TNS2: variants seen among roughly 807,000 people sequenced by gnomAD.
TNS2 encodes tensin-2.
Under a neutral mutation model 155.7 loss-of-function variants are expected in TNS2, and 77 were observed. The observed-to-expected ratio is 0.49, with a 90% CI of 0.41 to 0.60. The LOEUF is 0.60. Among genes scored for constraint, TNS2 ranks in the 20% least tolerant of loss-of-function variants. TNS2 has a pLI of 0.00. For missense variants in TNS2, 1,703 were observed against 1,868.8 expected (o/e 0.91, Z 1.64); for synonymous variants, 726 against 763.9 (o/e 0.95, Z 0.82).
Position 53,061,135 on chromosome 12 carries a change from C to T in TNS2, c.3229C>T (p.Arg1077Cys), listed in dbSNP as rs150838449. Reference sequence around the variant, plus strand: ...TAGCCAGCCCCCACTTCCTGAGAAACGCCACCTGCCCGGGCCGGGGCAACA... The same window carrying T: ...TAGCCAGCCCCCACTTCCTGAGAAATGCCACCTGCCCGGGCCGGGGCAACA... ...GLSQPPLPEK[R>C]HLPGPGQQPG... Residue 1077 changes from arginine (R) to cysteine (C), a missense_variant, in exon 20 of 29, where the codon CGC becomes TGC. Transcript: ENST00000314250. The T allele has an allele frequency of 3.1e-5, 50 of 1,610,080 alleles. No homozygotes were observed. In the African/African-American group the frequency reaches 3.3e-4, roughly 11 times the overall value.
At chr12:53,053,118 T>G (rs1416558671) in intron 3 of TNS2, 4 of 436,980 alleles carry the variant, frequency 9.2e-6, no homozygotes, top group Non-Finnish European at 1.7e-5. Context: ...TGTCCATCCC[T>G]GGCCATGGCC....
intron 22 of TNS2, 33 bp downstream of exon 22, chr12:53,061,973 A>T (rs761359184): frequency 1.9e-6 from 3 of 1,608,722 alleles, no homozygotes; most frequent in Non-Finnish European, 2.5e-6. Flanking sequence ...TGGGGTGGGG[A>T]TGAAGTTGGG....
Position 53,050,854 on chromosome 12 carries a change from C to G in TNS2, c.75+594C>G, listed in dbSNP as rs145278262. Among the ~76,000 whole-genome samples, 243 of 152,318 alleles carry G rather than the reference C, an allele frequency of 1.6e-3. No homozygotes were observed. The highest frequency in any genetic ancestry group is 5.2e-3 in the African/African-American group (218 of 41,564). The stretch of plus-strand genomic sequence containing the variant: ...TCCCCATCACTCCCTTTCCCAACTT[C>G]CCAGCCTTGCCCCAAAAGCAGCAGC... On this transcript the variant is annotated intron_variant, in intron 1 of 28. Coordinates refer to ENST00000314250, the MANE Select transcript of TNS2 (RefSeq NM_170754.4). This position sits in a 1 kb window ranked among gnomAD's most constrained non-coding sequence, Gnocchi z 4.7.
chr12:53,062,605 T>G lies in TNS2; in HGVS notation c.3746-15T>G, dbSNP rs751406629. ...CTGCCTTCTGAGCTTCCCTGTCGGTTCTCATTGCCCTCAGATCCTCTGGAA... is the reference window on the plus strand; with the variant it reads ...CTGCCTTCTGAGCTTCCCTGTCGGTGCTCATTGCCCTCAGATCCTCTGGAA... On this transcript the variant is annotated splice_polypyrimidine_tract_variant and intron_variant, in intron 24 of 28. Transcript: ENST00000314250. 5.0e-6 allele frequency: 8 copies of G among 1,613,578 alleles called. No homozygotes were observed. The South Asian group carries it at 8.8e-5, about 18-fold the overall frequency.
chr12:53,053,380 G>C (rs1468518009), intron 3 of TNS2, 31 bp from the exon 4 acceptor site: 2 of 1,613,712 alleles, frequency 1.2e-6, no homozygotes, highest in African/African-American at 2.7e-5. Context: ...CCTTCACCAG[G>C]AGCTCAGTTC....
upstream of TNS2, chr12:53,049,283 G>C: frequency 6.3e-7 from 1 of 1,577,202 alleles, no homozygotes; most frequent in Non-Finnish European, 8.7e-7. Context: ...CGCGGGGGGA[G>C]GGTGCAGCCC....
In TNS2 at chr12:53,061,172, G is replaced by T. The variant is rs756939925; in HGVS notation, c.3266G>T (p.Trp1089Leu). The T allele has an allele frequency of 5.0e-6, 8 of 1,602,360 alleles. No homozygotes were observed. The South Asian group carries it at 7.8e-5, about 16-fold the overall frequency. ...GGGCCGGGGCAACAGCCAGGACCCT[G>T]GGGCCCAGAGCAGGCATCATCGCCA... ...LPGPGQQPGP[W>L]GPEQASSPAR... Residue 1089 changes from tryptophan to leucine, a missense_variant, in exon 20 of 29, where the codon TGG (tryptophan) becomes TTG (leucine). Physicochemically the swap from Trp to Leu is moderately conservative, Grantham distance 61. Transcript: ENST00000314250.
intron 4 of TNS2, 25 bp downstream of exon 4, chr12:53,053,474 G>A (rs1311171615): frequency 7.4e-6 from 12 of 1,613,584 alleles, no homozygotes; most frequent in Non-Finnish European, 1.0e-5. Flanking sequence ...GGATGGGGTG[G>A]GGAGGGCAAG....
At position 53,050,511 on chromosome 12, in the gene TNS2, T is replaced by A. The variant is rs1179657657; in HGVS notation, c.75+251T>A. Among the ~76,000 whole-genome samples, 2 of 152,108 alleles carry A rather than the reference T, an allele frequency of 1.3e-5. No individual in the cohort carries two copies. The highest frequency in any genetic ancestry group is 1.3e-4 in the Admixed American group (2 of 15,274). On this transcript the variant is annotated intron_variant, in intron 1 of 28. Transcript: ENST00000314250. This position sits in a 1 kb window ranked among gnomAD's most constrained non-coding sequence, Gnocchi z 4.7. ...AGCCTGGGCCAACCCCAGGAGGTCC[T>A]GGCCCCCCAACATAAGCCCCAGGTG...
rs1157301211 is a variant in TNS2 at position 53,060,886 on chromosome 12, G to A, written c.2980G>A (p.Gly994Ser). 6.3e-7 allele frequency: 1 copy of A among 1,590,746 alleles called. No individual in the cohort carries two copies. The highest frequency in any genetic ancestry group is 1.3e-5 in the African/African-American group (1 of 74,462). ...CTGGCCTCAGGAAAGGAGTCCAGGGGGCCACTCAGATGGCGCCAGTCCTCG... is the reference window on the plus strand; with the variant it reads ...CTGGCCTCAGGAAAGGAGTCCAGGGAGCCACTCAGATGGCGCCAGTCCTCG... ...SDWPQERSPG[G>S]HSDGASPRSP... is the part of the protein sequence containing the mutation. Residue 994 changes from glycine (G) to serine (S), a missense_variant, in exon 20 of 29, where the codon GGC becomes AGC. Transcript: ENST00000314250. The surrounding 1 kb of genome is among the most constrained non-coding windows in gnomAD (Gnocchi z 6.1).
In TNS2 at chr12:53,054,366, C is replaced by T. The variant is rs772874906; in HGVS notation, c.447C>T (p.Pro149=). 1.2e-6 allele frequency: 2 copies of T among 1,612,494 alleles called. No individual in the cohort carries two copies. The highest frequency in any genetic ancestry group is 1.7e-6 in the Non-Finnish European group (2 of 1,179,754). Residue 149 remains proline, a synonymous_variant, in exon 7 of 29, where the codon CCC becomes CCT. Coordinates refer to ENST00000314250, the MANE Select transcript of TNS2 (RefSeq NM_170754.4). ...TGGCCGCCGCCTTCCCCGCGCGGCCCGATGAACAGCGGCACCGGGGCCACC... is the reference window on the plus strand; with the variant it reads ...TGGCCGCCGCCTTCCCCGCGCGGCCTGATGAACAGCGGCACCGGGGCCACC... The part of the protein sequence containing the change: ...RILAAAFPAR[P]DEQRHRGHLR...
In TNS2 at chr12:53,063,576, G is replaced by C. The variant is rs1944453180; in HGVS notation, c.4075G>C (p.Asp1359His). The C allele has an allele frequency of 6.2e-7, 1 of 1,610,244 alleles. No individual in the cohort carries two copies. ...DPQDRRWTNP[D>H]GTTSKIFGFV... is the part of the protein sequence containing the mutation. ...CTCCTTCTGCAGATGGACCAACCCA[G>C]ACGGGACCACCTCCAAGTAAGCCTC... Residue 1359 changes from aspartate to histidine, a missense_variant, in exon 28 of 29, where the codon GAC becomes CAC. By Grantham distance (81) the Asp-to-His change is moderately conservative. Transcript: ENST00000314250. The surrounding 1 kb of genome is among the most constrained non-coding windows in gnomAD (Gnocchi z 5.6).
At position 53,056,844 on chromosome 12, in the gene TNS2, A is replaced by G. The variant is rs531861125; in HGVS notation, c.762-169A>G. ...TCAGGGAACAATTGCCTGAGGCCCA[A>G]CAACTAGTAAAGTGACTGTACATGG... On this transcript the variant is annotated intron_variant, in intron 10 of 28. Coordinates refer to ENST00000314250, the MANE Select transcript of TNS2 (RefSeq NM_170754.4). 84 of 593,432 alleles carry G rather than the reference A, an allele frequency of 1.4e-4. No individual in the cohort carries two copies. The South Asian group carries it at 1.5e-3, about 10-fold the overall frequency. The allele number at this position is 593,432 out of a possible 1,614,324, so 36.8% of individuals were successfully genotyped here.
At chr12:53,058,547 G>A (rs377505731) in intron 15 of TNS2, 25 bp from the exon 16 acceptor site, 2 of 1,614,056 alleles carry the variant, frequency 1.2e-6, no homozygotes, top group Non-Finnish European at 1.7e-6. Flanking sequence ...CAGGGGCCTG[G>A]TTCTTCACTG....
At chr12:53,054,590 T>A (rs367632818) in intron 7 of TNS2, 149 bp downstream of exon 7, 1 of 1,126,828 alleles carries the variant, frequency 8.9e-7, no homozygotes, top group Non-Finnish European at 1.2e-6. Flanking sequence ...GAGCGCGGCC[T>A]GGAGCGGAGC....
intron 1 of TNS2, among the ~76,000 whole-genome samples, chr12:53,051,114 G>A (rs1421009399): frequency 1.3e-5 from 2 of 152,210 alleles, no homozygotes; most frequent in East Asian, 3.9e-4. Context: ...GTCAGGAGGG[G>A]CTGAACAGGG....
rs769623675 is a variant in TNS2 at position 53,061,920 on chromosome 12, C to G, written c.3554C>G (p.Pro1185Arg). 3.7e-5 allele frequency: 59 copies of G among 1,612,796 alleles called. No homozygotes were observed. Among genetic ancestry groups the G allele is most frequent in the Non-Finnish European group, 4.6e-5 (54 of 1,179,670 alleles). Residue 1185 changes from proline to arginine, a missense_variant, in exon 22 of 29, where the codon CCC becomes CGC. Transcript: ENST00000314250. Reference sequence around the variant, plus strand: ...GCCCTCAAGGTGGCCACACCGCCACCCAGTGCCCAGCCCTGGAAAGGTACA... The same window carrying G: ...GCCCTCAAGGTGGCCACACCGCCACGCAGTGCCCAGCCCTGGAAAGGTACA... ...GLALKVATPP[P>R]SAQPWKGDPV...
rs200458547 is a variant in TNS2, at chr12:53,060,946, C to A, written c.3040C>A (p.His1014Asn). ...PVPTTLPGLR[H>N]APWQGPRGPP... ...GCCCACCACACTTCCTGGCCTCCGCCACGCCCCCTGGCAAGGCCCTCGAGG... is the reference window on the plus strand; with the variant it reads ...GCCCACCACACTTCCTGGCCTCCGCAACGCCCCCTGGCAAGGCCCTCGAGG... Residue 1014 changes from histidine (H) to asparagine (N), a missense_variant, in exon 20 of 29, where the codon CAC becomes AAC. Physicochemically the swap from His to Asn is moderately conservative, Grantham distance 68. Coordinates refer to ENST00000314250, the MANE Select transcript of TNS2 (RefSeq NM_170754.4). This position sits in a 1 kb window ranked among gnomAD's most constrained non-coding sequence, Gnocchi z 6.1. 3.1e-6 allele frequency: 5 copies of A among 1,601,620 alleles called. 1 individual carries two copies. In the East Asian group the frequency reaches 1.1e-4, roughly 36 times the overall value.
In TNS2 at chr12:53,060,849, C is replaced by A; in HGVS notation, c.2943C>A (p.Ser981Arg). Residue 981 changes from serine to arginine, a missense_variant, in exon 20 of 29, where the codon AGC becomes AGA. Transcript: ENST00000314250. The surrounding 1 kb of genome is among the most constrained non-coding windows in gnomAD (Gnocchi z 6.1). ...CAGTCTCTCCGACCTTCCCTCCCAGCTCGCCCAGTGACTGGCCTCAGGAAA... is the reference window on the plus strand; with the variant it reads ...CAGTCTCTCCGACCTTCCCTCCCAGATCGCCCAGTGACTGGCCTCAGGAAA... ...PSPVSPTFPP[S>R]SPSDWPQERS... 1 of 1,599,504 alleles carries A rather than the reference C, an allele frequency of 6.3e-7. No individual in the cohort carries two copies. The highest frequency in any genetic ancestry group is 8.5e-7 in the Non-Finnish European group (1 of 1,170,230).
Sources: allele counts gnomAD v4.1 joint callset (sites outside exome capture counted in the v4.1 genomes callset), GRCh38; gene constraint gnomAD v4.1.1; non-coding constraint Gnocchi (gnomAD v3.1); transcripts MANE v1.5; gene names NCBI Gene and HGNC (gene_info 2026-07-23, HGNC 2026-07-21).